The following PAK6 variants were observed in gnomAD, a reference collection of about 807,000 sequenced individuals.
The protein encoded by PAK6 is p21 (RAC1) activated kinase 6, also known as serine/threonine-protein kinase PAK 6.
In PAK6, 33 loss-of-function variants were observed where a neutral mutation model predicts 60.8. The ratio of observed to expected loss-of-function variants is 0.54; its 90% CI spans 0.41 to 0.73. The LOEUF (loss-of-function observed/expected upper bound fraction) is 0.73. PAK6 is among the 30% of genes least tolerant of loss of function. The pLI is 0.00. For synonymous variants in PAK6, 404 were observed against 378.5 expected (o/e 1.07, Z -0.78); for missense variants, 845 against 904.1 (o/e 0.93, Z 0.84).
chr15:40,272,766 C>T, intron 6 of PAK6, 45 bp downstream of exon 6: 10 of 1,578,714 alleles, frequency 6.3e-6, no homozygotes, highest in Non-Finnish European at 8.6e-6. Flanking sequence ...TGGGGATGGG[C>T]AGTGAGCAGC....
At chr15:40,274,584 G>C (rs2039398261) in intron 10 of PAK6, among the ~76,000 whole-genome samples, 1 of 152,234 alleles carries the variant, frequency 6.6e-6, no homozygotes, top group Admixed American at 6.5e-5. Flanking sequence ...GGAAAGCCAG[G>C]ACACCAGCAA....
At chr15:40,276,789 T>TGTGTGTGTGTG (rs67205800) in exon 11 of PAK6, 1 of 146,160 alleles carries the variant, frequency 6.8e-6, no homozygotes, top group Non-Finnish European at 1.5e-5. Context: ...TGTGTGTGTG[T>TGTGTGTGTGTG]AAGGGGAGGA....
At chr15:40,257,229 C>G (rs373426219) in intron 3 of PAK6, 1 of 152,786 alleles carries the variant, frequency 6.5e-6, no homozygotes, top group African/African-American at 2.4e-5. Context: ...GCAGGGAATT[C>G]CACCAGCTTC....
At chr15:40,261,518 G>A (rs1013369847) in intron 3 of PAK6, among the ~76,000 whole-genome samples, 6 of 151,992 alleles carry the variant, frequency 3.9e-5, no homozygotes, top group Admixed American at 3.9e-4. Context: ...GCCCGGGCAA[G>A]ACAGCGAGAC....
At chr15:40,270,367 C>A (rs1435247663) in intron 5 of PAK6, among the ~76,000 whole-genome samples, 1 of 152,190 alleles carries the variant, frequency 6.6e-6, no homozygotes, top group Non-Finnish European at 1.5e-5. Flanking sequence ...CTCCTAGGAC[C>A]CAGGGACCTT....
chr15:40,261,033 T>C (rs573203991), intron 3 of PAK6, among the ~76,000 whole-genome samples: 15 of 151,604 alleles, frequency 9.9e-5, no homozygotes, highest in South Asian at 2.1e-4. Flanking sequence ...GGACTACAGG[T>C]GCCCACCACC....
intron 2 of PAK6, among the ~76,000 whole-genome samples, chr15:40,248,048 G>A (rs1048701203): frequency 3.9e-5 from 6 of 152,150 alleles, no homozygotes; most frequent in South Asian, 2.1e-4. Flanking sequence ...TCCCCAGGGC[G>A]GGAGGTACTC....
chr15:40,241,422 C>G (rs2038329189), intron 2 of PAK6, among the ~76,000 whole-genome samples: 1 of 151,346 alleles, frequency 6.6e-6, no homozygotes, highest in Non-Finnish European at 1.5e-5. Context: ...CGTGTGGCCC[C>G]CAGGCCTGGT....
Position 40,273,012 on chromosome 15 carries a change from G to C in PAK6, c.1490+13G>C. Reference sequence around the variant, plus strand: ...TCTCCCAAGTCAGGTGGGCAGCTGGGAGGGCTGGACCCTGAGTGCAGGCTG... The same window carrying C: ...TCTCCCAAGTCAGGTGGGCAGCTGGCAGGGCTGGACCCTGAGTGCAGGCTG... On this transcript the variant is annotated intron_variant, in intron 7 of 10. Coordinates refer to ENST00000560346, the Ensembl canonical transcript of PAK6. 6.2e-7 allele frequency: 1 copy of C among 1,612,932 alleles called. No homozygotes were observed. Among genetic ancestry groups the C allele is most frequent in the East Asian group, 2.2e-5 (1 of 44,870 alleles).
chr15:40,264,813 C>T, exon 4 of PAK6: 1 of 1,613,946 alleles, frequency 6.2e-7, no homozygotes, highest in African/African-American at 1.3e-5. Context: ...GAAGAAACGC[C>T]CTGAGATCTC....
intron 3 of PAK6, among the ~76,000 whole-genome samples, chr15:40,261,760 C>T (rs1324217008): frequency 6.6e-6 from 1 of 152,142 alleles, no homozygotes; most frequent in Admixed American, 6.5e-5. Flanking sequence ...TTCTAAAGCT[C>T]TACTCCCTAG....
At chr15:40,268,677 C>A (rs1290738626) in intron 5 of PAK6, among the ~76,000 whole-genome samples, 1 of 152,188 alleles carries the variant, frequency 6.6e-6, no homozygotes, top group Non-Finnish European at 1.5e-5. Flanking sequence ...GTACCTAGCC[C>A]CAGGCAGTGA....
At chr15:40,244,782 C>T (rs1440369527) in intron 2 of PAK6, 1 of 152,098 alleles carries the variant, frequency 6.6e-6, no homozygotes, top group Non-Finnish European at 1.5e-5. Context: ...ACAAGGCAAC[C>T]CCAGAGCATG....
rs764099069 is a variant in PAK6 at position 40,273,547 on chromosome 15, G to A, written c.1618-4G>A. Reference sequence around the variant, plus strand: ...TCCACCACTCACTCCCTTTTCAACCGCAGGTGAAGCTCTCGGACTTCGGAT... The same window carrying A: ...TCCACCACTCACTCCCTTTTCAACCACAGGTGAAGCTCTCGGACTTCGGAT... On this transcript the variant is annotated splice_region_variant and splice_polypyrimidine_tract_variant and intron_variant, in intron 8 of 10. Transcript: ENST00000560346. The A allele has an allele frequency of 1.2e-5, 20 of 1,613,712 alleles. No homozygotes were observed. The highest frequency in any genetic ancestry group is 1.3e-5 in the Non-Finnish European group (15 of 1,179,942).
chr15:40,256,707 C>A (rs758742040), intron 3 of PAK6: 1 of 152,208 alleles, frequency 6.6e-6, no homozygotes, highest in Non-Finnish European at 1.5e-5. Flanking sequence ...CTTTGCCTCT[C>A]GGCTTGAATG....
intron 10 of PAK6, among the ~76,000 whole-genome samples, chr15:40,275,280 G>GTTTTTTTTTTTTTTGTTTGTT (rs1555389202): frequency 1.8e-5 from 1 of 56,486 alleles, no homozygotes. Context: ...GTTGTTGTTG[G>GTTTTTTTTTTTTTTGTTTGTT]TTTTTTTTTT....
intron 5 of PAK6, among the ~76,000 whole-genome samples, chr15:40,267,727 G>C (rs1274827459): frequency 6.6e-6 from 1 of 152,208 alleles, no homozygotes; most frequent in Non-Finnish European, 1.5e-5. Context: ...AAGGACAGTG[G>C]GTTGGGATCC....
intron 5 of PAK6, among the ~76,000 whole-genome samples, chr15:40,271,467 C>T (rs541515865): frequency 2.9e-4 from 44 of 152,138 alleles, no homozygotes; most frequent in Non-Finnish European, 5.0e-4. Context: ...GGAAGGACTC[C>T]TTTAGGGGGT....
chr15:40,272,206 G>A lies in PAK6; in HGVS notation c.859-18G>A. On this transcript the variant is annotated intron_variant, in intron 5 of 10. Coordinates refer to ENST00000560346, the Ensembl canonical transcript of PAK6. ...TGCTCCCACAGCCCTGACCCTTCCT[G>A]TTGCTTTGTCCCTGCAGCCCAACTC... 1 of 1,595,800 alleles carries A rather than the reference G, an allele frequency of 6.3e-7. No homozygotes were observed. The highest frequency in any genetic ancestry group is 8.6e-7 in the Non-Finnish European group (1 of 1,168,630).
Sources: allele counts gnomAD v4.1 joint callset (sites outside exome capture counted in the v4.1 genomes callset), GRCh38; gene constraint gnomAD v4.1.1; transcripts MANE v1.5; gene names NCBI Gene and HGNC (gene_info 2026-07-23, HGNC 2026-07-21).